Variants in WDR4 observed in about 807,000 individuals in gnomAD.
WDR4 encodes the protein WDR4 tRNA N7-guanosine methyltransferase non-catalytic subunit.
A neutral mutation model predicts 48.6 loss-of-function variants in WDR4; 47 were observed. The ratio of observed to expected loss-of-function variants is 0.97; its 90% CI spans 0.77 to 1.23. The LOEUF (loss-of-function observed/expected upper bound fraction) is 1.23, where lower values mean the gene tolerates loss of function less well. Ranked by LOEUF, WDR4 falls within the 50% of genes most tolerant of loss-of-function variation. The probability of loss-of-function intolerance (pLI) is 0.00; values close to 1 mark genes in which losing one functional copy is unlikely to be tolerated. For synonymous variants in WDR4, 268 were observed against 230.0 expected (o/e 1.17, Z -1.49); for missense variants, 606 against 551.6 (o/e 1.10, Z -0.99).
chr21:42,854,766 G>C (rs1008017109), intron 7 of WDR4, 140 bp from the exon 8 acceptor site: 6 of 750,732 alleles, frequency 8.0e-6, no homozygotes, highest in Non-Finnish European at 1.3e-5. Context: ...GAACATTCTG[G>C]AATCAGTGGG....
chr21:42,862,406 G>C lies in WDR4; in HGVS notation c.454-12C>G. 6.3e-7 allele frequency: 1 copy of C among 1,590,020 alleles called. No individual in the cohort carries two copies. The highest frequency in any genetic ancestry group is 8.6e-7 in the Non-Finnish European group (1 of 1,167,582). On this transcript the variant is annotated splice_polypyrimidine_tract_variant and intron_variant, in intron 4 of 10. Transcript: ENST00000398208. The surrounding 1 kb of genome is among the most constrained non-coding windows in gnomAD (Gnocchi z 4.3). ...TCAGGACTCACAGCCTGCATCACCA[G>C]GGGCCAGAAAAGAAAAAGCCGCTCA...
chr21:42,867,382 C>T (rs1338615196), intron 3 of WDR4, among the ~76,000 whole-genome samples: 1 of 145,918 alleles, frequency 6.9e-6, no homozygotes, highest in Non-Finnish European at 1.5e-5. Flanking sequence ...CAAAGAGACA[C>T]TCCGCTCCAC....
chr21:42,851,112 C>T (rs945315867), intron 10 of WDR4, among the ~76,000 whole-genome samples: 2 of 152,190 alleles, frequency 1.3e-5, no homozygotes, highest in East Asian at 1.9e-4. Flanking sequence ...CTCAGGAGAG[C>T]GAGCCCAGGC....
At chr21:42,851,001 T>C (rs1216395844) in intron 10 of WDR4, among the ~76,000 whole-genome samples, 6 of 152,150 alleles carry the variant, frequency 3.9e-5, no homozygotes, top group Non-Finnish European at 8.8e-5. Flanking sequence ...CCAGCGACTC[T>C]GCTGCTTGTG....
chr21:42,886,341 TATC>T, the WDR4 span, among the ~76,000 whole-genome samples: 341 of 152,280 alleles, frequency 2.2e-3, 3 homozygotes, highest in African/African-American at 7.6e-3. Context: ...AATAAAATAT[TATC>T]ATCTTATTCA....
downstream of WDR4, among the ~76,000 whole-genome samples, chr21:42,846,910 A>G (rs941273328): frequency 2.0e-5 from 3 of 151,822 alleles, no homozygotes; most frequent in Non-Finnish European, 4.4e-5. Flanking sequence ...TAATCCAGCT[A>G]CTCGGGAGGC....
chr21:42,870,126 G>A lies in WDR4; in HGVS notation c.296+3425C>T, dbSNP rs557234197. Among the ~76,000 whole-genome samples, 515 of 152,104 alleles carry A rather than the reference G, an allele frequency of 3.4e-3. 1 individual carries two copies. Among genetic ancestry groups the A allele is most frequent in the Non-Finnish European group, 5.2e-3 (355 of 67,990 alleles). ...AACATTTTGGGAGGCCAAGGTCAGC[G>A]GATCACCTGAGGTCATGAGTTCAAG... On this transcript the variant is annotated intron_variant, in intron 3 of 10. Coordinates refer to ENST00000398208, the MANE Select transcript of WDR4 (RefSeq NM_018669.6).
intron 3 of WDR4, among the ~76,000 whole-genome samples, chr21:42,869,857 G>GA (rs1340710852): frequency 2.6e-5 from 4 of 151,198 alleles, no homozygotes; most frequent in Non-Finnish European, 5.9e-5. Context: ...TAAAAAAATA[G>GA]AAAAAATTAG....
At chr21:42,850,544 A>G (rs2057798344) in intron 10 of WDR4, among the ~76,000 whole-genome samples, 1 of 152,166 alleles carries the variant, frequency 6.6e-6, no homozygotes, top group African/African-American at 2.4e-5. Context: ...GGAGAAAGCC[A>G]CTACTGCACC....
At chr21:42,854,736 AG>A in intron 7 of WDR4, 110 bp from the exon 8 acceptor site, 1 of 939,062 alleles carries the variant, frequency 1.1e-6, no homozygotes, top group Non-Finnish European at 1.6e-6. Flanking sequence ...CCACATATCA[AG>A]GAAGAGGAAA....
At chr21:42,886,280 C>T in the WDR4 span, among the ~76,000 whole-genome samples, 1 of 152,020 alleles carries the variant, frequency 6.6e-6, no homozygotes, top group South Asian at 2.1e-4. Flanking sequence ...AGAACATTCA[C>T]GTTTACAATA....
upstream of WDR4, among the ~76,000 whole-genome samples, chr21:42,881,556 A>G (rs2058611207): frequency 6.6e-6 from 1 of 150,674 alleles, no homozygotes; most frequent in African/African-American, 2.5e-5. Flanking sequence ...ATCTTACTGA[A>G]GGGCAACAAT....
chr21:42,859,016 C>T (rs147082328), intron 6 of WDR4, among the ~76,000 whole-genome samples: 2 of 152,266 alleles, frequency 1.3e-5, no homozygotes, highest in East Asian at 3.9e-4. Context: ...CACTAACAAT[C>T]CTTCTAACAC....
At chr21:42,845,173 A>G (rs2057700143), downstream of WDR4, among the ~76,000 whole-genome samples, 1 of 152,230 alleles carries the variant, frequency 6.6e-6, no homozygotes, top group Admixed American at 6.5e-5. Context: ...CAACAAATCT[A>G]AAGAGAGGGA....
chr21:42,863,117 G>A lies in WDR4; in HGVS notation c.453+323C>T, dbSNP rs547868624. ...CTACTGACCACCTCCTGTCTCACTT[G>A]CCTTCTTCATTCTCCCTGCTGTCTG... On this transcript the variant is annotated intron_variant, in intron 4 of 10. Transcript: ENST00000398208. Among the ~76,000 whole-genome samples the A allele has an allele frequency of 3.7e-4, 57 of 152,284 alleles. 1 individual carries two copies. Among genetic ancestry groups the A allele is most frequent in the Admixed American group, 2.5e-3 (39 of 15,306 alleles).
At chr21:42,854,798 C>G (rs1339445963) in intron 7 of WDR4, among the ~76,000 whole-genome samples, 172 bp from the exon 8 acceptor site, 1 of 152,026 alleles carries the variant, frequency 6.6e-6, no homozygotes, top group African/African-American at 2.4e-5. Flanking sequence ...AGCTGATTCC[C>G]TGTTTCCCAA....
intron 1 of WDR4, 132 bp downstream of exon 1, chr21:42,879,275 T>G (rs1263614983): frequency 5.0e-6 from 7 of 1,398,368 alleles, no homozygotes; most frequent in Non-Finnish European, 6.5e-6. Flanking sequence ...GGAGGACTCG[T>G]GGGCTGGAGC....
chr21:42,879,442 G>T lies in WDR4; in HGVS notation c.54C>A (p.Gly18=), dbSNP rs773304832. Residue 18 remains glycine (G), a synonymous_variant, in exon 1 of 11, where the codon GGC becomes GGA. Coordinates refer to ENST00000398208, the MANE Select transcript of WDR4 (RefSeq NM_018669.6). ...ALCGQTLVVR[G]GSRFLATSIA... is the part of the protein sequence containing the mutation. ...TGGAGGTGGCCAGGAATCGGCTGCC[G>T]CCCCGCACCACCAACGTCTGCCCGC... 1 of 1,613,646 alleles carries T rather than the reference G, an allele frequency of 6.2e-7. No individual in the cohort carries two copies. The highest frequency in any genetic ancestry group is 8.5e-7 in the Non-Finnish European group (1 of 1,179,838).
chr21:42,868,819 G>A (rs2058307193), intron 3 of WDR4, among the ~76,000 whole-genome samples: 1 of 152,252 alleles, frequency 6.6e-6, no homozygotes, highest in African/African-American at 2.4e-5. Flanking sequence ...CGTGTCTGTT[G>A]TCACACATTG....
Sources: allele counts gnomAD v4.1 joint callset (sites outside exome capture counted in the v4.1 genomes callset), GRCh38; gene constraint gnomAD v4.1.1; non-coding constraint Gnocchi (gnomAD v3.1); transcripts MANE v1.5; gene names NCBI Gene and HGNC (gene_info 2026-07-23, HGNC 2026-07-21).